KCNIP4: variants seen among roughly 807,000 people sequenced by gnomAD.
KCNIP4 encodes the protein Kv channel-interacting protein 4.
A neutral mutation model predicts 34.0 loss-of-function variants in KCNIP4; 12 were observed. That is an observed-to-expected ratio of 0.35 (90% CI 0.23 to 0.57). KCNIP4 has a LOEUF of 0.57. Among genes scored for constraint, KCNIP4 ranks in the 20% least tolerant of loss-of-function variants. The pLI is 0.83. For missense variants in KCNIP4, 238 were observed against 311.7 expected (o/e 0.76, Z 1.78); for synonymous variants, 124 against 102.2 (o/e 1.21, Z -1.29).
At position 21,684,979 on chromosome 4, in the gene KCNIP4, T is replaced by C. The variant is rs1040756110; in HGVS notation, c.61+263592A>G. 5.9e-5 allele frequency among the ~76,000 whole-genome samples: 9 copies of C among 152,300 alleles called. No individual in the cohort carries two copies. In the East Asian group the frequency reaches 7.7e-4, roughly 13 times the overall value. On this transcript the variant is annotated intron_variant, in intron 1 of 8. Coordinates refer to ENST00000382152, the MANE Select transcript of KCNIP4 (RefSeq NM_025221.6). ...CAAAAAGTGTTAGCAAGAATACATATTGCACATATTTGTATAATATACAAG... is the reference window on the plus strand; with the variant it reads ...CAAAAAGTGTTAGCAAGAATACATACTGCACATATTTGTATAATATACAAG...
At chr4:21,901,730 T>G (rs1441641803) in intron 1 of KCNIP4, among the ~76,000 whole-genome samples, 1 of 152,192 alleles carries the variant, frequency 6.6e-6, no homozygotes, top group Admixed American at 6.5e-5. Flanking sequence ...TCTTTAATAT[T>G]GCAAACTAGA....
chr4:21,143,116 C>T (rs1050188387), intron 1 of KCNIP4, among the ~76,000 whole-genome samples: 8 of 152,144 alleles, frequency 5.3e-5, no homozygotes, highest in African/African-American at 1.9e-4. Flanking sequence ...AGCATTAATT[C>T]AGGTACTCCC....
intron 2 of KCNIP4, among the ~76,000 whole-genome samples, chr4:20,878,459 C>T (rs1245825395): frequency 2.6e-5 from 4 of 152,052 alleles, no homozygotes; most frequent in Admixed American, 6.6e-5. Context: ...AAGATATGTC[C>T]CCTGCATATA....
At chr4:21,666,123 T>G (rs1748936371) in intron 1 of KCNIP4, among the ~76,000 whole-genome samples, 1 of 152,218 alleles carries the variant, frequency 6.6e-6, no homozygotes, top group African/African-American at 2.4e-5. Flanking sequence ...TGGTGCCAAG[T>G]TAAGAAGTTA....
chr4:21,509,857 C>G (rs1239359965), intron 1 of KCNIP4, among the ~76,000 whole-genome samples: 1 of 152,104 alleles, frequency 6.6e-6, no homozygotes, highest in East Asian at 1.9e-4. Flanking sequence ...GTGGCTCATG[C>G]CTGTAATCCT....
chr4:20,905,267 T>C (rs1394179386), intron 1 of KCNIP4, among the ~76,000 whole-genome samples: 2 of 152,114 alleles, frequency 1.3e-5, no homozygotes, highest in Non-Finnish European at 2.9e-5. Context: ...TCACATGCCC[T>C]TTTCTCTGTG....
chr4:20,880,198 G>A (rs1724517998), intron 2 of KCNIP4, among the ~76,000 whole-genome samples: 1 of 152,116 alleles, frequency 6.6e-6, no homozygotes, highest in Non-Finnish European at 1.5e-5. Flanking sequence ...GTTACTTCAT[G>A]GTAGCAGATT....
intron 3 of KCNIP4, among the ~76,000 whole-genome samples, chr4:20,815,439 C>A (rs1361240709): frequency 1.3e-5 from 2 of 152,024 alleles, no homozygotes; most frequent in Non-Finnish European, 2.9e-5. Context: ...CACAGGAGAC[C>A]TAACTGACAT....
At chr4:20,983,856 G>A (rs1269860262) in intron 1 of KCNIP4, 4 of 1,536,402 alleles carry the variant, frequency 2.6e-6, no homozygotes, top group Non-Finnish European at 3.5e-6. Flanking sequence ...AGAAGCTTCA[G>A]AGATGCACAT....
intron 2 of KCNIP4, among the ~76,000 whole-genome samples, chr4:20,861,862 C>T (rs1722230345): frequency 6.6e-6 from 1 of 151,974 alleles, no homozygotes; most frequent in Admixed American, 6.6e-5. Context: ...ACATAAATAA[C>T]TCTTCAACAA....
intron 3 of KCNIP4, among the ~76,000 whole-genome samples, chr4:20,843,367 A>C (rs982623088): frequency 2.0e-5 from 3 of 152,236 alleles, no homozygotes; most frequent in African/African-American, 7.2e-5. Flanking sequence ...TACCTAGGAC[A>C]CTTCGATATT....
rs192442115 is a variant in KCNIP4 at position 21,362,158 on chromosome 4, G to A, written c.62-479449C>T. Among the ~76,000 whole-genome samples, 165 of 152,242 alleles carry A rather than the reference G, an allele frequency of 1.1e-3. 1 individual carries two copies. In the Middle Eastern group the frequency reaches 0.017, roughly 16 times the overall value. ...GCACACTCAGCTCCTGTTGTCTAGG[G>A]AAGACAAAGAAATATGTAAAATTCA... is the stretch of plus-strand genomic sequence containing the variant. On this transcript the variant is annotated intron_variant, in intron 1 of 8. Coordinates refer to ENST00000382152, the MANE Select transcript of KCNIP4 (RefSeq NM_025221.6).
chr4:21,331,744 A>G (rs951118804), intron 1 of KCNIP4, among the ~76,000 whole-genome samples: 3 of 152,060 alleles, frequency 2.0e-5, no homozygotes, highest in African/African-American at 7.2e-5. Context: ...CTCATCTATC[A>G]TGATTCAACT....
At chr4:20,979,989 A>G (rs992923368) in intron 1 of KCNIP4, among the ~76,000 whole-genome samples, 2 of 152,166 alleles carry the variant, frequency 1.3e-5, no homozygotes, top group African/African-American at 4.8e-5. Flanking sequence ...TTCCTTGCTC[A>G]GCTTGGAATC....
At chr4:21,836,634 A>T (rs1723338117) in intron 1 of KCNIP4, among the ~76,000 whole-genome samples, 1 of 152,304 alleles carries the variant, frequency 6.6e-6, no homozygotes, top group South Asian at 2.1e-4. Flanking sequence ...ACTGTAAAAA[A>T]TGCTGGTCTC....
intron 1 of KCNIP4, among the ~76,000 whole-genome samples, chr4:21,032,396 T>C (rs899859160): frequency 2.0e-5 from 3 of 152,134 alleles, no homozygotes; most frequent in East Asian, 1.9e-4. Flanking sequence ...CTGCACAAGT[T>C]TGCTTGCTAA....
At chr4:21,763,374 C>T (rs1016839090) in intron 1 of KCNIP4, among the ~76,000 whole-genome samples, 2 of 152,138 alleles carry the variant, frequency 1.3e-5, no homozygotes, top group Non-Finnish European at 2.9e-5. Context: ...ATACACTTGG[C>T]TTTATCTCTT....
chr4:20,953,647 T>G lies in KCNIP4; in HGVS notation c.62-70938A>C, dbSNP rs1207381234. On this transcript the variant is annotated intron_variant, in intron 1 of 8. Coordinates refer to ENST00000382152, the MANE Select transcript of KCNIP4 (RefSeq NM_025221.6). ...CAGGGAGCTGAGATCGCACTCCATC[T>G]TGGGTGACAGAGAGAGACTCCGTCT... Among the ~76,000 whole-genome samples the G allele has an allele frequency of 2.6e-5, 4 of 152,266 alleles. No individual in the cohort carries two copies. The South Asian group carries it at 8.3e-4, about 32-fold the overall frequency.
chr4:21,351,659 AG>A (rs1718012165), intron 1 of KCNIP4, among the ~76,000 whole-genome samples: 1 of 152,208 alleles, frequency 6.6e-6, no homozygotes, highest in South Asian at 2.1e-4. Flanking sequence ...TGAGATCATG[AG>A]GGTTGGCCCT....
Sources: gnomAD v4.1 joint callset for allele counts (sites outside exome capture counted in the v4.1 genomes callset) on GRCh38, gnomAD v4.1.1 for gene constraint, MANE v1.5 for transcripts, NCBI Gene and HGNC (gene_info 2026-07-23, HGNC 2026-07-21) for gene names.